PRUNE2: variants seen among roughly 807,000 people sequenced by gnomAD.
PRUNE2 encodes protein prune homolog 2.
A neutral mutation model predicts 252.0 loss-of-function variants in PRUNE2; 164 were observed. The ratio of observed to expected loss-of-function variants is 0.65; its 90% confidence interval spans 0.57 to 0.74. PRUNE2 has a LOEUF of 0.74. PRUNE2 is among the 30% of genes least tolerant of loss of function. The pLI, the probability that PRUNE2 is intolerant of heterozygous loss-of-function variation, is 0.00. For missense variants in PRUNE2, 3,495 were observed against 3,711.0 expected (o/e 0.94, Z 1.51); for synonymous variants, 1,292 against 1,350.2 (o/e 0.96, Z 0.94).
At chr9:76,748,730 G>C (rs1159038154) in intron 6 of PRUNE2, 1 of 152,266 alleles carries the variant, frequency 6.6e-6, no homozygotes. Context: ...ATTAGAAGAG[G>C]TGAGTGGGTC....
chr9:76,833,567 C>T (rs1564398793), intron 4 of PRUNE2, among the ~76,000 whole-genome samples: 1 of 151,952 alleles, frequency 6.6e-6, no homozygotes, highest in Non-Finnish European at 1.5e-5. Context: ...AGATCGAGAC[C>T]ATCCTGGCTA....
intron 6 of PRUNE2, among the ~76,000 whole-genome samples, chr9:76,756,012 T>C (rs930793061): frequency 5.9e-5 from 9 of 152,150 alleles, no homozygotes; most frequent in Non-Finnish European, 1.0e-4. Flanking sequence ...CAGGGGATCA[T>C]ACTTTGAGGA....
intron 6 of PRUNE2, among the ~76,000 whole-genome samples, chr9:76,820,255 ACT>A (rs2057961215): frequency 6.6e-6 from 1 of 151,788 alleles, no homozygotes; most frequent in Non-Finnish European, 1.5e-5. Context: ...AAGCATTGAA[ACT>A]CTATTATTGT....
intron 11 of PRUNE2, among the ~76,000 whole-genome samples, chr9:76,647,034 C>T (rs1588109580): frequency 6.6e-6 from 1 of 152,046 alleles, no homozygotes; most frequent in Admixed American, 6.6e-5. Context: ...ACAAAAAATA[C>T]AAAAATTAGC....
chr9:76,839,653 GA>G (rs2059271182), intron 4 of PRUNE2, among the ~76,000 whole-genome samples: 2 of 152,182 alleles, frequency 1.3e-5, no homozygotes, highest in South Asian at 4.1e-4. Context: ...GAAATGGCCT[GA>G]CTTACAATTT....
chr9:76,826,460 G>T, intron 5 of PRUNE2, 120 bp downstream of exon 5: 1 of 750,150 alleles, frequency 1.3e-6, no homozygotes. Context: ...GGGATAGAGT[G>T]AGACTCTGTA....
At chr9:76,803,898 C>A (rs1307465566) in intron 6 of PRUNE2, among the ~76,000 whole-genome samples, 3 of 152,130 alleles carry the variant, frequency 2.0e-5, no homozygotes, top group Non-Finnish European at 4.4e-5. Flanking sequence ...TCTGTCAGAG[C>A]TCCTATCTTC....
At chr9:76,904,766 C>T (rs2063382987) in intron 1 of PRUNE2, among the ~76,000 whole-genome samples, 2 of 152,200 alleles carry the variant, frequency 1.3e-5, no homozygotes, top group East Asian at 1.9e-4. Context: ...CACTTATCAA[C>T]TTTAATGGTC....
chr9:76,824,684 G>C (rs1340529349), intron 5 of PRUNE2, among the ~76,000 whole-genome samples: 1 of 152,126 alleles, frequency 6.6e-6, no homozygotes, highest in Non-Finnish European at 1.5e-5. Context: ...TCTCTTGGGA[G>C]GAAGATCTAT....
chr9:76,683,409 T>G (rs2043705513), intron 9 of PRUNE2, among the ~76,000 whole-genome samples: 1 of 152,200 alleles, frequency 6.6e-6, no homozygotes, highest in Admixed American at 6.5e-5. Context: ...ACTGCGTGGT[T>G]GGAGCTTTCT....
intron 1 of PRUNE2, among the ~76,000 whole-genome samples, 183 bp downstream of exon 1, chr9:76,905,745 G>A (rs777294077): frequency 2.0e-5 from 3 of 152,140 alleles, no homozygotes; most frequent in Non-Finnish European, 4.4e-5. Flanking sequence ...GGAGGATTCT[G>A]GAGACAGATT....
At chr9:76,630,024 C>CTA (rs1836791451) in intron 15 of PRUNE2, among the ~76,000 whole-genome samples, 1 of 152,088 alleles carries the variant, frequency 6.6e-6, no homozygotes, top group Non-Finnish European at 1.5e-5. Flanking sequence ...CCTATACTAA[C>CTA]CTGGGCAGTC....
At chr9:76,723,139 T>C (rs577015809) in intron 6 of PRUNE2, among the ~76,000 whole-genome samples, 26 of 152,326 alleles carry the variant, frequency 1.7e-4, no homozygotes, top group Non-Finnish European at 3.7e-4. Flanking sequence ...GTTAACTATA[T>C]GTAAGATCCT....
At chr9:76,807,595 C>T (rs1325656314) in intron 6 of PRUNE2, among the ~76,000 whole-genome samples, 6 of 152,154 alleles carry the variant, frequency 3.9e-5, no homozygotes, top group Non-Finnish European at 8.8e-5. Flanking sequence ...TGGATTAATG[C>T]TCTCTCTTGA....
At chr9:76,677,741 C>T (rs2042855130) in intron 9 of PRUNE2, among the ~76,000 whole-genome samples, 1 of 152,238 alleles carries the variant, frequency 6.6e-6, no homozygotes, top group Admixed American at 6.5e-5. Context: ...ATTGAGTCAC[C>T]TCTCAGGCCC....
Position 76,704,834 on chromosome 9 carries a change from T to C in PRUNE2, c.7440A>G (p.Pro2480=), listed in dbSNP as rs1273933034. The C allele has an allele frequency of 8.2e-6, 13 of 1,594,068 alleles. No individual in the cohort carries two copies. The highest frequency in any genetic ancestry group is 1.3e-5 in the African/African-American group (1 of 74,650). Reference sequence around the variant, plus strand: ...TTTCTACTTCCCAGTCAACGTTTGATGGAGACAAAATGTTGGAGCCTGCTC... The same window carrying C: ...TTTCTACTTCCCAGTCAACGTTTGACGGAGACAAAATGTTGGAGCCTGCTC... The part of the protein sequence containing the change: ...PVGAGSNILS[P]SNVDWEVETD... The change falls in exon 8 of 19, where the codon CCA becomes CCG. Residue 2480 remains proline, a synonymous_variant. Coordinates refer to ENST00000376718, the MANE Select transcript of PRUNE2 (RefSeq NM_015225.3).
At chr9:76,807,213 A>G (rs1195105933) in intron 6 of PRUNE2, among the ~76,000 whole-genome samples, 2 of 148,684 alleles carry the variant, frequency 1.3e-5, no homozygotes, top group Non-Finnish European at 3.0e-5. Context: ...AGCTAGCACC[A>G]CCATGTCTGG....
intron 9 of PRUNE2, among the ~76,000 whole-genome samples, chr9:76,679,289 A>C (rs906711752): frequency 2.0e-5 from 3 of 152,224 alleles, no homozygotes; most frequent in Non-Finnish European, 2.9e-5. Context: ...ATTAAATACA[A>C]TAGTGGTTTT....
intron 9 of PRUNE2, among the ~76,000 whole-genome samples, chr9:76,703,042 T>C (rs1240722582): frequency 1.3e-5 from 2 of 152,132 alleles, no homozygotes; most frequent in Non-Finnish European, 2.9e-5. Flanking sequence ...TTCCTTGTAT[T>C]CCCAACTGCC....
Sources: allele counts gnomAD v4.1 joint callset (sites outside exome capture counted in the v4.1 genomes callset), GRCh38; gene constraint gnomAD v4.1.1; transcripts MANE v1.5; gene names NCBI Gene and HGNC (gene_info 2026-07-23, HGNC 2026-07-21).